Variants in BTBD9 observed in about 807,000 individuals in gnomAD.
BTBD9 encodes BTB domain containing 9.
A neutral mutation model predicts 64.3 loss-of-function variants in BTBD9; 49 were observed. That is an observed-to-expected ratio of 0.76 (90% CI 0.61 to 0.97). The LOEUF (loss-of-function observed/expected upper bound fraction) is 0.97. BTBD9 is among the 50% of genes least tolerant of loss of function. The pLI is 0.00. For missense variants in BTBD9, 598 were observed against 762.1 expected, an observed-to-expected ratio of 0.78 and a Z score of 2.53; for synonymous variants, 260 against 274.7, an observed-to-expected ratio of 0.95 and a Z score of 0.53.
At chr6:38,346,077 G>T (rs944876298) in intron 6 of BTBD9, among the ~76,000 whole-genome samples, 1 of 152,168 alleles carries the variant, frequency 6.6e-6, no homozygotes, top group Non-Finnish European at 1.5e-5. Context: ...GAAGGATGGG[G>T]TATATTAAAT....
intron 8 of BTBD9, among the ~76,000 whole-genome samples, chr6:38,287,720 A>G (rs931213554): frequency 1.3e-5 from 2 of 152,228 alleles, no homozygotes; most frequent in African/African-American, 4.8e-5. Flanking sequence ...TGTCTCTGCC[A>G]TTAAGCAATG....
At chr6:38,490,258 A>G (rs73426889) in intron 6 of BTBD9, among the ~76,000 whole-genome samples, 1,687 of 152,308 alleles carry the variant, frequency 0.011, 21 homozygotes, top group African/African-American at 0.038. Flanking sequence ...CTCTCTGGGT[A>G]CCATAACCCT....
chr6:38,592,865 T>C, intron 3 of BTBD9, 25 bp from the exon 4 acceptor site: 1 of 1,609,702 alleles, frequency 6.2e-7, no homozygotes, highest in Non-Finnish European at 8.5e-7. Context: ...AAGGTAAAAT[T>C]CCAGTTATAT....
At chr6:38,409,796 C>T (rs948108693) in intron 6 of BTBD9, among the ~76,000 whole-genome samples, 4 of 151,988 alleles carry the variant, frequency 2.6e-5, no homozygotes, top group Admixed American at 6.6e-5. Context: ...TGCACTCCAG[C>T]CTGGGCAACA....
intron 4 of BTBD9, among the ~76,000 whole-genome samples, chr6:38,584,010 GA>G (rs917049098): frequency 5.4e-5 from 8 of 147,922 alleles, no homozygotes; most frequent in Admixed American, 6.8e-5. Flanking sequence ...TATCAGTAGA[GA>G]AAAAAAAAAG....
At chr6:38,426,913 T>C (rs1768187307) in intron 6 of BTBD9, among the ~76,000 whole-genome samples, 1 of 151,796 alleles carries the variant, frequency 6.6e-6, no homozygotes, top group Non-Finnish European at 1.5e-5. Flanking sequence ...AACAGTATCA[T>C]GTCTAGACAA....
intron 6 of BTBD9, among the ~76,000 whole-genome samples, chr6:38,360,068 C>T (rs1764889206): frequency 6.6e-6 from 1 of 152,066 alleles, no homozygotes; most frequent in South Asian, 2.1e-4. Context: ...TAATTATATA[C>T]TGTGCTTTAA....
At chr6:38,554,462 C>G (rs1774935065) in intron 6 of BTBD9, among the ~76,000 whole-genome samples, 1 of 152,092 alleles carries the variant, frequency 6.6e-6, no homozygotes, top group South Asian at 2.1e-4. Flanking sequence ...ATATTCTGGC[C>G]TAAGTTCAAG....
rs185300627 is a variant in BTBD9 at position 38,440,585 on chromosome 6, T to C, written c.1155-95492A>G. ...ACTTTCTTTTTCAAACATTCTTAGA[T>C]AAGCTTTTTAAATTCTTCCATCAAG... On this transcript the variant is annotated intron_variant, in intron 6 of 10. Coordinates refer to ENST00000481247, the MANE Select transcript of BTBD9 (RefSeq NM_001099272.2). 3.2e-4 allele frequency among the ~76,000 whole-genome samples: 49 copies of C among 152,274 alleles called. 2 individuals carry two copies. In the South Asian group the frequency reaches 5.2e-3, roughly 16 times the overall value.
At chr6:38,332,610 CT>C (rs1196944418) in intron 7 of BTBD9, among the ~76,000 whole-genome samples, 1 of 151,480 alleles carries the variant, frequency 6.6e-6, no homozygotes, top group African/African-American at 2.4e-5. Context: ...TTTTTTCAGG[CT>C]TTTTTAAGGG....
chr6:38,510,999 A>G (rs1462005763), intron 6 of BTBD9, among the ~76,000 whole-genome samples: 1 of 152,208 alleles, frequency 6.6e-6, no homozygotes, highest in African/African-American at 2.4e-5. Flanking sequence ...CATATGCTAT[A>G]CTTTTATATA....
intron 7 of BTBD9, among the ~76,000 whole-genome samples, chr6:38,300,920 G>A (rs999811034): frequency 6.6e-6 from 1 of 152,170 alleles, no homozygotes; most frequent in African/African-American, 2.4e-5. Flanking sequence ...GTGAGAGAGG[G>A]CACCCCTGTC....
At chr6:38,347,027 T>C (rs1361945430) in intron 6 of BTBD9, among the ~76,000 whole-genome samples, 1 of 152,214 alleles carries the variant, frequency 6.6e-6, no homozygotes, top group Non-Finnish European at 1.5e-5. Context: ...TTAAGGTTAA[T>C]ATATTCCAGG....
chr6:38,464,975 T>A (rs2127357772), intron 6 of BTBD9, among the ~76,000 whole-genome samples: 1 of 152,332 alleles, frequency 6.6e-6, no homozygotes, highest in African/African-American at 2.4e-5. Context: ...CATCTGAGCC[T>A]GGTGTTTCTC....
At position 38,457,534 on chromosome 6, in the gene BTBD9, A is replaced by G. The variant is rs149509101; in HGVS notation, c.1155-112441T>C. Among the ~76,000 whole-genome samples, 12 of 152,268 alleles carry G rather than the reference A, an allele frequency of 7.9e-5. No individual in the cohort carries two copies. In the East Asian group the frequency reaches 2.3e-3, roughly 29 times the overall value. On this transcript the variant is annotated intron_variant, in intron 6 of 10. Transcript: ENST00000481247. ...GATGAGTCCTAAGCTTGGGGACTAAAAAATAGGATGGATAATAGTGACATT... is the reference window on the plus strand; with the variant it reads ...GATGAGTCCTAAGCTTGGGGACTAAGAAATAGGATGGATAATAGTGACATT...
intron 9 of BTBD9, among the ~76,000 whole-genome samples, chr6:38,203,080 C>T (rs1762519673): frequency 6.6e-6 from 1 of 152,160 alleles, no homozygotes; most frequent in African/African-American, 2.4e-5. Flanking sequence ...AAATGCTCAA[C>T]ATCACTAAGC....
intron 9 of BTBD9, among the ~76,000 whole-genome samples, chr6:38,209,158 G>A (rs532772089): frequency 8.5e-5 from 13 of 152,098 alleles, no homozygotes; most frequent in Non-Finnish European, 1.3e-4. Flanking sequence ...GAGATGAGGA[G>A]AGCTTTTGGT....
chr6:38,304,978 CTT>C, intron 7 of BTBD9, among the ~76,000 whole-genome samples: 1 of 146,156 alleles, frequency 6.8e-6, no homozygotes, highest in Admixed American at 6.9e-5. Context: ...AGGGCAGGAA[CTT>C]TTTTTTTTTT....
At chr6:38,583,737 T>C (rs1044340316) in intron 4 of BTBD9, among the ~76,000 whole-genome samples, 5 of 152,330 alleles carry the variant, frequency 3.3e-5, no homozygotes, top group South Asian at 4.1e-4. Flanking sequence ...CAAGGGTACT[T>C]GAAAACTTTC....
Sources: gnomAD v4.1 joint callset for allele counts (sites outside exome capture counted in the v4.1 genomes callset) on GRCh38, gnomAD v4.1.1 for gene constraint, MANE v1.5 for transcripts, NCBI Gene and HGNC (gene_info 2026-07-23, HGNC 2026-07-21) for gene names.